PCLO: variants seen among roughly 807,000 people sequenced by gnomAD.
The protein encoded by PCLO is protein piccolo.
Under a neutral mutation model 427.5 loss-of-function variants are expected in PCLO, and 82 were observed. That is an observed-to-expected ratio of 0.19 (90% CI 0.16 to 0.23). PCLO has a LOEUF of 0.23. PCLO is among the 10% of genes least tolerant of loss of function. The pLI is 1.00. For missense variants in PCLO, 6,239 were observed against 6,115.9 expected (o/e 1.02, Z -0.67); for synonymous variants, 2,357 against 2,155.4 (o/e 1.09, Z -2.59).
Position 83,134,962 on chromosome 7 carries a change from C to A in PCLO, c.2588G>T (p.Ser863Ile). 2 of 1,611,792 alleles carry A rather than the reference C, an allele frequency of 1.2e-6. No homozygotes were observed. The highest frequency in any genetic ancestry group is 1.3e-5 in the African/African-American group (1 of 74,762). Residue 863 changes from serine (S) to isoleucine (I), a missense_variant, in exon 3 of 25, where the codon AGT becomes ATT. Around this residue, in one of 5 missense-constraint regions of PCLO, gnomAD observed 4,677 missense variants for 4,468.4 expected, o/e 1.05. Transcript: ENST00000333891. Reference protein sequence around the residue: ...EEPKKAQTKMSPKPDAKPMPK... With the variant: ...EEPKKAQTKMIPKPDAKPMPK... ...CATTGGCTTGGCATCTGGTTTAGGACTCATTTTGGTTTGTGCTTTCTTGGG... is the reference window on the plus strand; with the variant it reads ...CATTGGCTTGGCATCTGGTTTAGGAATCATTTTGGTTTGTGCTTTCTTGGG...
At chr7:83,062,329 A>T (rs1789561529) in intron 3 of PCLO, among the ~76,000 whole-genome samples, 1 of 152,186 alleles carries the variant, frequency 6.6e-6, no homozygotes, top group Non-Finnish European at 1.5e-5. Context: ...AATATCTTGA[A>T]CTATAACAGT....
intron 22 of PCLO, among the ~76,000 whole-genome samples, chr7:82,769,224 G>A (rs1053857894): frequency 1.3e-5 from 2 of 152,050 alleles, no homozygotes; most frequent in African/African-American, 4.8e-5. Flanking sequence ...GTCACATACT[G>A]GACTTTAGAA....
At chr7:82,799,549 A>G (rs1000249208) in intron 22 of PCLO, among the ~76,000 whole-genome samples, 2 of 152,126 alleles carry the variant, frequency 1.3e-5, no homozygotes, top group Non-Finnish European at 2.9e-5. Flanking sequence ...CTGGCCCTAT[A>G]CTTATATGCT....
chr7:83,068,125 T>G (rs2116341363), intron 3 of PCLO, among the ~76,000 whole-genome samples: 1 of 152,260 alleles, frequency 6.6e-6, no homozygotes, highest in East Asian at 1.9e-4. Context: ...TTATACACAC[T>G]AAACCAAAGT....
intron 22 of PCLO, among the ~76,000 whole-genome samples, chr7:82,800,821 G>A (rs1562792049): frequency 6.6e-6 from 1 of 151,788 alleles, no homozygotes. Flanking sequence ...TCCTGACCTC[G>A]TGATCTGCCC....
intron 3 of PCLO, among the ~76,000 whole-genome samples, chr7:83,034,718 T>C (rs1443862232): frequency 6.6e-6 from 1 of 152,198 alleles, no homozygotes; most frequent in African/African-American, 2.4e-5. Context: ...CTATATAAAT[T>C]TTCTATTGTG....
intron 3 of PCLO, among the ~76,000 whole-genome samples, chr7:83,045,167 A>AT (rs1175147666): frequency 3.3e-5 from 5 of 152,184 alleles, no homozygotes; most frequent in African/African-American, 9.6e-5. Flanking sequence ...TGACAATCTA[A>AT]TAAGTCTTGG....
intron 6 of PCLO, among the ~76,000 whole-genome samples, chr7:82,934,761 T>C (rs1794912939): frequency 6.7e-6 from 1 of 148,390 alleles, no homozygotes; most frequent in Non-Finnish European, 1.5e-5. Flanking sequence ...AAAATAGATA[T>C]AGATATATTT....
intron 7 of PCLO, among the ~76,000 whole-genome samples, chr7:82,913,887 A>C (rs2116255081): frequency 6.6e-6 from 1 of 152,152 alleles, no homozygotes; most frequent in South Asian, 2.1e-4. Context: ...AAATCAAGAA[A>C]CCAAAGGAAA....
At chr7:83,023,209 A>G (rs1270080478) in intron 3 of PCLO, among the ~76,000 whole-genome samples, 1 of 152,222 alleles carries the variant, frequency 6.6e-6, no homozygotes, top group African/African-American at 2.4e-5. Context: ...ATGACTTCCA[A>G]ATCTACTAAT....
chr7:83,012,621 GAAAAAAAA>G (rs537818971), intron 3 of PCLO, among the ~76,000 whole-genome samples: 8 of 66,740 alleles, frequency 1.2e-4, no homozygotes, highest in East Asian at 1.1e-3. Context: ...CTGTCTCAAG[GAAAAAAAA>G]AAAAAAAAAA....
intron 3 of PCLO, among the ~76,000 whole-genome samples, chr7:83,073,596 C>T (rs1035174255): frequency 1.3e-5 from 2 of 151,764 alleles, no homozygotes. Context: ...AAGCTGCTGC[C>T]CTCTATTTAT....
rs146287168 is a variant in PCLO, at chr7:82,874,385, C to T, written c.13654+4952G>A. ...CTCAAGTGATCACCTTGACTCCCAA[C>T]GCAATGAGATTACAGGAGTGAGCCA... On this transcript the variant is annotated intron_variant, in intron 10 of 24. Coordinates refer to ENST00000333891, the MANE Select transcript of PCLO (RefSeq NM_033026.6). Among the ~76,000 whole-genome samples, 5 of 152,126 alleles carry T rather than the reference C, an allele frequency of 3.3e-5. No homozygotes were observed. The East Asian group carries it at 5.8e-4, about 18-fold the overall frequency.
chr7:82,902,660 T>C lies in PCLO; in HGVS notation c.13519A>G (p.Thr4507Ala). The part of the protein sequence containing the change: ...IKITRDSKDH[T>A]VSGNGLGIRI... ...ATATGATTTGCTTTACCTGAAACTG[T>C]GTGATCCTTTGAGTCTCTTGTTATT... Residue 4507 changes from threonine (T) to alanine (A), a missense_variant, in exon 9 of 25, where the codon ACA (threonine) becomes GCA (alanine). By Grantham distance (58) the Thr-to-Ala change is moderately conservative. This residue lies in a region of PCLO where 877 missense variants were observed against 925.5 expected (regional missense o/e 0.95). Transcript: ENST00000333891. 1 of 1,573,136 alleles carries C rather than the reference T, an allele frequency of 6.4e-7. No individual in the cohort carries two copies. Among genetic ancestry groups the C allele is most frequent in the South Asian group, 1.1e-5 (1 of 90,194 alleles).
At chr7:83,044,268 A>C (rs1053918996) in intron 3 of PCLO, among the ~76,000 whole-genome samples, 1 of 152,146 alleles carries the variant, frequency 6.6e-6, no homozygotes, top group South Asian at 2.1e-4. Context: ...TTCCCTCCAC[A>C]CATGGCGATT....
At chr7:82,936,483 C>T (rs1794956031) in intron 6 of PCLO, among the ~76,000 whole-genome samples, 1 of 151,256 alleles carries the variant, frequency 6.6e-6, no homozygotes, top group South Asian at 2.1e-4. Flanking sequence ...AATTCACATT[C>T]ACTAGGATAG....
In PCLO at chr7:82,956,102, T is replaced by C; in HGVS notation, c.4851A>G (p.Thr1617=). 6.2e-7 allele frequency: 1 copy of C among 1,610,896 alleles called. No individual in the cohort carries two copies. Among genetic ancestry groups the C allele is most frequent in the East Asian group, 2.2e-5 (1 of 44,876 alleles). The change falls in exon 5 of 25, where the codon ACA becomes ACG. Residue 1617 remains threonine (T), a synonymous_variant. Transcript: ENST00000333891. ...KHRRLTRKSS[T]SIDEDAGRRH... ...GTCTTCCTGCATCTTCATCAATGCT[T>C]GTGCTACTTTTTCGAGTCAGTCGTC...
Position 82,875,496 on chromosome 7 carries a change from A to G in PCLO, c.13654+3841T>C, listed in dbSNP as rs373413087. Among the ~76,000 whole-genome samples, 7 of 152,232 alleles carry G rather than the reference A, an allele frequency of 4.6e-5. No homozygotes were observed. The East Asian group carries it at 9.7e-4, about 21-fold the overall frequency. ...AATCAAATAACCAGAGCAGTCACTC[A>G]GCACCTTCAGAATAGTACTTGGCTT... On this transcript the variant is annotated intron_variant, in intron 10 of 24. Transcript: ENST00000333891.
intron 9 of PCLO, chr7:82,894,486 C>G (rs1793852089): frequency 6.6e-6 from 1 of 152,302 alleles, no homozygotes; most frequent in Non-Finnish European, 1.5e-5. Flanking sequence ...AGAGCTTATG[C>G]AGGGAAACTC....
Sources: gnomAD v4.1 joint callset for allele counts (sites outside exome capture counted in the v4.1 genomes callset) on GRCh38, gnomAD v4.1.1 for gene constraint, gnomAD v4.1.1 regional missense constraint, MANE v1.5 for transcripts, NCBI Gene and HGNC (gene_info 2026-07-23, HGNC 2026-07-21) for gene names.